Variants in RARB observed in about 807,000 individuals in gnomAD.
RARB encodes the protein retinoic acid receptor beta.
RARB carries 17 observed loss-of-function variants against 51.9 expected under a neutral mutation model. The observed-to-expected ratio is 0.33, with a 90% CI of 0.22 to 0.49. RARB has a LOEUF of 0.49. Among genes scored for constraint, RARB ranks in the 20% least tolerant of loss-of-function variants. The pLI is 0.99. For synonymous variants in RARB, 215 were observed against 195.4 expected (o/e 1.10, Z -0.84); for missense variants, 369 against 550.8 (o/e 0.67, Z 3.30).
rs574930264 is a variant in RARB, at chr3:25,243,326, C to T, written c.178+68751C>T. ...TCTTCCTCTTGCCTGATTGCCCTGA[C>T]CAGAACTTTCAATACTGTGTTGAAT... is the stretch of plus-strand genomic sequence containing the variant. On this transcript the variant is annotated intron_variant, in intron 5 of 11. Transcript: ENST00000383772. 7.2e-5 allele frequency among the ~76,000 whole-genome samples: 11 copies of T among 152,236 alleles called. No individual in the cohort carries two copies. In the South Asian group the frequency reaches 2.3e-3, roughly 32 times the overall value.
At chr3:24,975,435 G>A (rs994706401) in intron 2 of RARB, among the ~76,000 whole-genome samples, 1 of 152,034 alleles carries the variant, frequency 6.6e-6, no homozygotes, top group Non-Finnish European at 1.5e-5. Context: ...CCTTCAAAGA[G>A]CTTACATTCT....
intron 5 of RARB, among the ~76,000 whole-genome samples, chr3:25,418,028 G>A (rs544959243): frequency 1.3e-5 from 2 of 152,288 alleles, no homozygotes; most frequent in African/African-American, 2.4e-5. Context: ...CACTTGGTAG[G>A]GAAGGGGCAA....
chr3:25,134,195 A>G (rs1291406148), intron 4 of RARB, among the ~76,000 whole-genome samples: 1 of 151,960 alleles, frequency 6.6e-6, no homozygotes, highest in Admixed American at 6.6e-5. Flanking sequence ...AAGATCTGGT[A>G]ACATTTAACT....
At chr3:25,588,155 T>C (rs923792180) in intron 5 of RARB, among the ~76,000 whole-genome samples, 4 of 152,214 alleles carry the variant, frequency 2.6e-5, no homozygotes, top group Admixed American at 6.5e-5. Flanking sequence ...GTGGTTTGCA[T>C]TGTGAAATAC....
At chr3:25,044,118 T>G (rs1465815197) in intron 2 of RARB, among the ~76,000 whole-genome samples, 1 of 152,186 alleles carries the variant, frequency 6.6e-6, no homozygotes, top group African/African-American at 2.4e-5. Context: ...CAGGGAAGAA[T>G]TTTAAACAGC....
chr3:25,156,184 ATG>A (rs1177602425), intron 4 of RARB, among the ~76,000 whole-genome samples: 5 of 152,334 alleles, frequency 3.3e-5, no homozygotes, highest in Admixed American at 3.3e-4. Flanking sequence ...CTGATACTGA[ATG>A]TAACTTTAGC....
intron 4 of RARB, among the ~76,000 whole-genome samples, chr3:25,146,654 G>T (rs1482516211): frequency 6.6e-6 from 1 of 151,634 alleles, no homozygotes; most frequent in Non-Finnish European, 1.5e-5. Context: ...ACTAGCGCCT[G>T]CCACCGCGCC....
At chr3:25,080,322 C>T (rs1359501972) in intron 3 of RARB, among the ~76,000 whole-genome samples, 1 of 152,094 alleles carries the variant, frequency 6.6e-6, no homozygotes, top group Non-Finnish European at 1.5e-5. Context: ...TTTTGTTTAT[C>T]CATTTATATG....
At chr3:24,934,399 C>T (rs9883836) in intron 2 of RARB, among the ~76,000 whole-genome samples, 79,360 of 151,898 alleles carry the variant, frequency 0.52, 21,473 homozygotes, top group East Asian at 0.71. Context: ...ATGTACTGTT[C>T]AGATGACTTC....
chr3:25,046,571 G>C (rs1053651366), intron 2 of RARB, among the ~76,000 whole-genome samples: 1 of 152,026 alleles, frequency 6.6e-6, no homozygotes, highest in African/African-American at 2.4e-5. Flanking sequence ...TCCCACCTTA[G>C]CCTCCCTGAG....
At chr3:25,257,913 C>G (rs962356111) in intron 5 of RARB, among the ~76,000 whole-genome samples, 1 of 152,144 alleles carries the variant, frequency 6.6e-6, no homozygotes, top group African/African-American at 2.4e-5. Context: ...TGTGTCTACT[C>G]ATGAAGTTAG....
At chr3:25,329,686 C>T (rs920025726) in intron 5 of RARB, among the ~76,000 whole-genome samples, 30 of 152,164 alleles carry the variant, frequency 2.0e-4, no homozygotes, top group Non-Finnish European at 3.2e-4. Context: ...GAGAAGAAGA[C>T]TTCAGACGAT....
intron 5 of RARB, among the ~76,000 whole-genome samples, chr3:25,248,493 A>G (rs768484620): frequency 2.0e-5 from 3 of 152,068 alleles, no homozygotes; most frequent in Admixed American, 1.3e-4. Flanking sequence ...AGTTGTAACC[A>G]TTGGACCCTT....
intron 5 of RARB, among the ~76,000 whole-genome samples, chr3:25,592,175 G>A (rs1701637471): frequency 6.6e-6 from 1 of 152,172 alleles, no homozygotes; most frequent in South Asian, 2.1e-4. Context: ...TTCCTCAGAG[G>A]CCACTCCTCT....
At chr3:25,184,819 G>C (rs910536243) in intron 5 of RARB, among the ~76,000 whole-genome samples, 1 of 151,928 alleles carries the variant, frequency 6.6e-6, no homozygotes, top group South Asian at 2.1e-4. Context: ...TTAAGCTCAG[G>C]AGTTAGAGAC....
At chr3:24,875,415 G>A (rs1703024418) in intron 2 of RARB, among the ~76,000 whole-genome samples, 1 of 152,074 alleles carries the variant, frequency 6.6e-6, no homozygotes, top group South Asian at 2.1e-4. Flanking sequence ...GTGATCTTGG[G>A]CAAGTTCCTT....
intron 3 of RARB, among the ~76,000 whole-genome samples, chr3:25,069,753 G>A (rs1260934853): frequency 6.6e-6 from 1 of 152,218 alleles, no homozygotes; most frequent in East Asian, 1.9e-4. Context: ...TTTTTGCTGG[G>A]ACAGTCGACT....
At chr3:24,878,733 A>C (rs770037470) in intron 2 of RARB, among the ~76,000 whole-genome samples, 2 of 152,164 alleles carry the variant, frequency 1.3e-5, no homozygotes, top group Non-Finnish European at 2.9e-5. Flanking sequence ...CTAAAAATCA[A>C]CCAGTTGAGA....
chr3:25,265,433 C>T (rs200194376), intron 5 of RARB, among the ~76,000 whole-genome samples: 1 of 152,052 alleles, frequency 6.6e-6, no homozygotes, highest in Non-Finnish European at 1.5e-5. Flanking sequence ...CTTGCTACTA[C>T]AAAAAAACAA....
Sources: gnomAD v4.1 joint callset for allele counts (sites outside exome capture counted in the v4.1 genomes callset) on GRCh38, gnomAD v4.1.1 for gene constraint, MANE v1.5 for transcripts, NCBI Gene and HGNC (gene_info 2026-07-23, HGNC 2026-07-21) for gene names.